The following PLCB2 variants were observed in gnomAD, a reference collection of about 807,000 sequenced individuals.
The protein encoded by PLCB2 is 1-phosphatidylinositol 4,5-bisphosphate phosphodiesterase beta-2.
Under a neutral mutation model 141.7 loss-of-function variants are expected in PLCB2, and 115 were observed. The ratio of observed to expected loss-of-function variants is 0.81; its 90% CI spans 0.70 to 0.95. The LOEUF (loss-of-function observed/expected upper bound fraction) is 0.95. Ranked by LOEUF, PLCB2 falls within the 40% of genes least tolerant of loss-of-function variation. PLCB2 has a pLI of 0.00. For synonymous variants in PLCB2, 603 were observed against 595.6 expected, an observed-to-expected ratio of 1.01 and a Z score of -0.18; for missense variants, 1,403 against 1,541.1, an observed-to-expected ratio of 0.91 and a Z score of 1.50.
At chr15:40,306,367 C>G (rs566624719) in intron 1 of PLCB2, among the ~76,000 whole-genome samples, 1 of 152,256 alleles carries the variant, frequency 6.6e-6, no homozygotes, top group Non-Finnish European at 1.5e-5. Flanking sequence ...ACACAGGTGC[C>G]AGCTTAGGAA....
chr15:40,287,886 A>G, downstream of PLCB2: 1 of 976,026 alleles, frequency 1.0e-6, no homozygotes, highest in Non-Finnish European at 1.2e-6. Context: ...CCTGTAGAAT[A>G]GAGACCAGGC....
rs189259572 is a variant in PLCB2 at position 40,297,390 on chromosome 15, G to A, written c.1323+131C>T. The A allele has an allele frequency of 1.2e-3, 868 of 735,926 alleles. 3 individuals carry two copies. Among genetic ancestry groups the A allele is most frequent in the Non-Finnish European group, 1.2e-3 (509 of 408,862 alleles). 45.6% of individuals were successfully genotyped at this position (735,926 alleles called of 1,614,324 possible). The stretch of plus-strand genomic sequence containing the variant: ...GTGCCTGACACACGGAAGGTGACAG[G>A]ATCCCAGACCCGCATCTAACCAAGT... On this transcript the variant is annotated intron_variant, in intron 13 of 31. Coordinates refer to ENST00000260402, the MANE Select transcript of PLCB2 (RefSeq NM_004573.3). The surrounding 1 kb of genome is among the most constrained non-coding windows in gnomAD (Gnocchi z 4.2).
intron 19 of PLCB2, 142 bp from the exon 20 acceptor site, chr15:40,293,866 G>C: frequency 1.5e-6 from 1 of 668,502 alleles, no homozygotes. Context: ...GCCATGAGTA[G>C]AGAGGCTGTG....
At chr15:40,294,192 G>A (rs2040080835) in intron 19 of PLCB2, 74 bp downstream of exon 19, 2 of 1,455,500 alleles carry the variant, frequency 1.4e-6, no homozygotes, top group Non-Finnish European at 1.9e-6. Context: ...TGCGAGTTGA[G>A]TGAGGGGTGG....
rs2305645 is a variant in PLCB2, at chr15:40,303,364, C to T, written c.163-8G>A. 0.3 allele frequency: 488,747 copies of T among 1,605,006 alleles called. 78,221 individuals carry two copies. Among genetic ancestry groups the T allele is most frequent in the Non-Finnish European group, 0.33 (385,308 of 1,171,980 alleles). ...ATCCAGAAACTCCATCTCCTGGGGG[C>T]AGGGTGCGGATCCCGGTGGGAGCAA... On this transcript the variant is annotated splice_region_variant and splice_polypyrimidine_tract_variant and intron_variant, in intron 2 of 31. Transcript: ENST00000260402.
Position 40,293,686 on chromosome 15 carries a change from G to T in PLCB2, c.2100C>A (p.Arg700=). 1 of 1,613,998 alleles carries T rather than the reference G, an allele frequency of 6.2e-7. No homozygotes were observed. The change falls in exon 20 of 32, where the codon CGC becomes CGA. Residue 700 remains arginine, a synonymous_variant. Coordinates refer to ENST00000260402, the MANE Select transcript of PLCB2 (RefSeq NM_004573.3). ...SGQFLSERSV[R]TYVEVELFGL... is the part of the protein sequence containing the mutation. The stretch of plus-strand genomic sequence containing the variant: ...CAAACAGCTCCACTTCTACATAGGT[G>T]CGCACGCTGCGTTCTGACAGGAACT...
At position 40,302,496 on chromosome 15, in the gene PLCB2, G is replaced by A. The variant is rs2040570441; in HGVS notation, c.345C>T (p.Phe115=). 3.7e-6 allele frequency: 6 copies of A among 1,614,156 alleles called. No homozygotes were observed. Among genetic ancestry groups the A allele is most frequent in the South Asian group, 1.1e-5 (1 of 91,072 alleles). ...TGCCCACGTTCTCCTTGTAGGAGAC[G>A]AAGTTGTGGAAGGTGAGGTCCACCA... is the stretch of plus-strand genomic sequence containing the variant. ...PDMVDLTFHN[F]VSYKENVGKA... Residue 115 remains phenylalanine (F), a synonymous_variant, in exon 4 of 32, where the codon TTC becomes TTT. Coordinates refer to ENST00000260402, the MANE Select transcript of PLCB2 (RefSeq NM_004573.3).
intron 20 of PLCB2, 131 bp from the exon 21 acceptor site, chr15:40,293,156 A>G (rs995914728): frequency 6.5e-6 from 4 of 618,502 alleles, no homozygotes; most frequent in Non-Finnish European, 8.8e-6. Context: ...GAGGACAGAC[A>G]GAGGGCACAC....
At chr15:40,289,605 G>A in intron 30 of PLCB2, 3 of 561,082 alleles carry the variant, frequency 5.3e-6, no homozygotes, top group Non-Finnish European at 9.5e-6. Context: ...GTAGGTGGCA[G>A]CTGTGTTCTG....
Position 40,298,861 on chromosome 15 carries a change from G to T in PLCB2, c.787C>A (p.Arg263=). 2 of 1,613,418 alleles carry T rather than the reference G, an allele frequency of 1.2e-6. No individual in the cohort carries two copies. The highest frequency in any genetic ancestry group is 1.7e-6 in the Non-Finnish European group (2 of 1,179,992). Residue 263 remains arginine (R), a synonymous_variant, in exon 9 of 32, where the codon CGG becomes AGG. Coordinates refer to ENST00000260402, the MANE Select transcript of PLCB2 (RefSeq NM_004573.3). ...RLNSLLFPPA[R]PDQVQGLIDK... The stretch of plus-strand genomic sequence containing the variant: ...ATGAGGCCCTGCACCTGGTCAGGCC[G>T]TGCTGGCGGGAACAGCAGGGAGTTA...
intron 26 of PLCB2, 30 bp from the exon 27 acceptor site, chr15:40,291,213 A>C (rs1388534143): frequency 6.4e-7 from 1 of 1,571,878 alleles, no homozygotes; most frequent in South Asian, 1.2e-5. Context: ...ACAGGCCCTG[A>C]GATCCTGCGC....
At position 40,301,951 on chromosome 15, in the gene PLCB2, A is replaced by C; in HGVS notation, c.582+6T>G. Reference sequence around the variant, plus strand: ...GGGGGATGGGCAGGGGTGCAGATCCACTCACTTTGCCTTTGGGGAGGTGGC... The same window carrying C: ...GGGGGATGGGCAGGGGTGCAGATCCCCTCACTTTGCCTTTGGGGAGGTGGC... On this transcript the variant is annotated splice_donor_region_variant and intron_variant, in intron 7 of 31. Transcript: ENST00000260402. The C allele has an allele frequency of 6.2e-7, 1 of 1,613,032 alleles. No individual in the cohort carries two copies. The highest frequency in any genetic ancestry group is 2.2e-5 in the East Asian group (1 of 44,868).
Position 40,291,431 on chromosome 15 carries a change from G to C in PLCB2, c.2704C>G (p.Gln902Glu). 1 of 1,543,544 alleles carries C rather than the reference G, an allele frequency of 6.5e-7. No homozygotes were observed. The highest frequency in any genetic ancestry group is 8.7e-7 in the Non-Finnish European group (1 of 1,149,966). ...LRELKGVVKL[Q>E]RRHEKELREL... The stretch of plus-strand genomic sequence containing the variant: ...CGCAGCTCCTTCTCGTGCCGCCGCT[G>C]CAGCTTCACCACGCCCTTTAGCTCC... Residue 902 changes from glutamine to glutamate, a missense_variant, in exon 26 of 32, where the codon CAG becomes GAG. Around this residue, in one of 4 missense-constraint regions of PLCB2, gnomAD observed 290 missense variants for 245.9 expected, o/e 1.18. Coordinates refer to ENST00000260402, the MANE Select transcript of PLCB2 (RefSeq NM_004573.3).
chr15:40,286,512 C>T (rs1031327067), downstream of PLCB2, among the ~76,000 whole-genome samples: 8 of 152,126 alleles, frequency 5.3e-5, no homozygotes, highest in African/African-American at 9.7e-5. Context: ...GCAGGGGACT[C>T]GAGTCTGAGT....
At chr15:40,301,757 C>A (rs1462930237) in intron 7 of PLCB2, 200 bp downstream of exon 7, 1 of 699,202 alleles carries the variant, frequency 1.4e-6, no homozygotes. Context: ...CTGCTTGGAG[C>A]TCAGGGTCTC....
At position 40,289,264 on chromosome 15, in the gene PLCB2, C is replaced by T. The variant is rs774697113; in HGVS notation, c.3354+8G>A. 39 of 1,611,246 alleles carry T rather than the reference C, an allele frequency of 2.4e-5. No individual in the cohort carries two copies. The highest frequency in any genetic ancestry group is 2.9e-5 in the Non-Finnish European group (34 of 1,177,522). ...TTCTGCTGGGGGTCCCAGTAGTGAA[C>T]CTGTTACCTGCTTTTCCATCTCCCG... is the stretch of plus-strand genomic sequence containing the variant. On this transcript the variant is annotated splice_region_variant and intron_variant, in intron 31 of 31. Transcript: ENST00000260402.
At chr15:40,306,315 A>G (rs560301471) in intron 1 of PLCB2, among the ~76,000 whole-genome samples, 1 of 152,166 alleles carries the variant, frequency 6.6e-6, no homozygotes, top group Non-Finnish European at 1.5e-5. Context: ...TCCAGAGAAC[A>G]TCCAATGCCC....
intron 20 of PLCB2, 93 bp downstream of exon 20, chr15:40,293,467 G>T: frequency 8.0e-7 from 1 of 1,243,280 alleles, no homozygotes. Flanking sequence ...GGAGGAGGAG[G>T]AAGGTCAAGG....
At position 40,295,027 on chromosome 15, in the gene PLCB2, G is replaced by T; in HGVS notation, c.1815C>A (p.Pro605=). ...TGGAGGAGTCCATGCGGGTTCCCTT[G>T]GGGTAAATGCGGCTCATCTGGCGCT... ...YNKRQMSRIY[P]KGTRMDSSNY... is the part of the protein sequence containing the mutation. The change falls in exon 18 of 32, where the codon CCC becomes CCA. Residue 605 remains proline, a synonymous_variant. Coordinates refer to ENST00000260402, the MANE Select transcript of PLCB2 (RefSeq NM_004573.3). 6.2e-7 allele frequency: 1 copy of T among 1,613,828 alleles called. No individual in the cohort carries two copies. The highest frequency in any genetic ancestry group is 1.1e-5 in the South Asian group (1 of 91,078).
Sources: gnomAD v4.1 joint callset for allele counts (sites outside exome capture counted in the v4.1 genomes callset) on GRCh38, gnomAD v4.1.1 for gene constraint, gnomAD v4.1.1 regional missense constraint, Gnocchi (gnomAD v3.1) non-coding constraint, MANE v1.5 for transcripts, NCBI Gene and HGNC (gene_info 2026-07-23, HGNC 2026-07-21) for gene names.